The following TMEM245 variants were observed in gnomAD, a reference collection of about 807,000 sequenced individuals.
The protein encoded by TMEM245 is transmembrane protein 245, also known as protein CG-2.
TMEM245 carries 69 observed loss-of-function variants against 101.2 expected under a neutral mutation model. That is an observed-to-expected ratio of 0.68 (90% confidence interval 0.56 to 0.83). The LOEUF (loss-of-function observed/expected upper bound fraction) is 0.83, where lower values mean the gene tolerates loss of function less well. Among genes scored for constraint, TMEM245 ranks in the 40% least tolerant of loss-of-function variants. The pLI is 0.00. For missense variants in TMEM245, 1,075 were observed against 1,092.8 expected, an observed-to-expected ratio of 0.98 and a Z score of 0.23; for synonymous variants, 537 against 449.8, an observed-to-expected ratio of 1.19 and a Z score of -2.45.
chr9:109,085,640 T>C (rs1383031336), intron 7 of TMEM245, among the ~76,000 whole-genome samples: 1 of 152,256 alleles, frequency 6.6e-6, no homozygotes, highest in Non-Finnish European at 1.5e-5. Context: ...GAGAGTTCTC[T>C]CTTGCCCTTA....
chr9:109,039,828 A>G (rs1419267012), intron 14 of TMEM245, among the ~76,000 whole-genome samples: 1 of 152,104 alleles, frequency 6.6e-6, no homozygotes, highest in African/African-American at 2.4e-5. Flanking sequence ...GGGAATAATG[A>G]CATAATCGAC....
intron 2 of TMEM245, 91 bp from the exon 3 acceptor site, chr9:109,106,700 C>A (rs1031813062): frequency 2.3e-6 from 2 of 854,508 alleles, no homozygotes; most frequent in Non-Finnish European, 3.6e-6. Context: ...ACAGAACAAT[C>A]TGGTATATAT....
At chr9:109,025,629 A>G (rs1180390029) in intron 17 of TMEM245, among the ~76,000 whole-genome samples, 1 of 152,182 alleles carries the variant, frequency 6.6e-6, no homozygotes, top group African/African-American at 2.4e-5. Flanking sequence ...CTGGGCTTTA[A>G]TATTCAGAGA....
At position 109,063,401 on chromosome 9, in the gene TMEM245, G is replaced by A. The variant is rs532901791; in HGVS notation, c.1623+1076C>T. 1.1e-4 allele frequency among the ~76,000 whole-genome samples: 17 copies of A among 152,306 alleles called. 1 individual carries two copies. The highest frequency in any genetic ancestry group is 3.9e-4 in the East Asian group (2 of 5,182). Reference sequence around the variant, plus strand: ...CTCCCAAAGTGCTTGGATTATAGGCGTGAGCCACCACGGCCAGCCTGATTC... The same window carrying A: ...CTCCCAAAGTGCTTGGATTATAGGCATGAGCCACCACGGCCAGCCTGATTC... On this transcript the variant is annotated intron_variant, in intron 10 of 17. Coordinates refer to ENST00000374586, the MANE Select transcript of TMEM245 (RefSeq NM_032012.4).
intron 2 of TMEM245, among the ~76,000 whole-genome samples, chr9:109,107,465 G>C (rs1342188636): frequency 6.7e-6 from 1 of 149,342 alleles, no homozygotes; most frequent in Non-Finnish European, 1.5e-5. Context: ...CCATTTCCCT[G>C]AGTCCACCTA....
intron 5 of TMEM245, among the ~76,000 whole-genome samples, chr9:109,088,075 G>A (rs1402741375): frequency 6.6e-6 from 1 of 152,208 alleles, no homozygotes; most frequent in Non-Finnish European, 1.5e-5. Flanking sequence ...TAAGAAGGTG[G>A]TAGGGCCAGA....
chr9:109,077,669 T>A (rs643632), intron 8 of TMEM245, among the ~76,000 whole-genome samples: 15,136 of 152,276 alleles, frequency 0.099, 918 homozygotes, highest in South Asian at 0.24. Flanking sequence ...ATATGAAAAG[T>A]CCTTAATTTG....
At chr9:109,041,240 T>C (rs1828293400) in intron 14 of TMEM245, among the ~76,000 whole-genome samples, 1 of 152,110 alleles carries the variant, frequency 6.6e-6, no homozygotes, top group African/African-American at 2.4e-5. Context: ...AAGCAGTGGC[T>C]ATTAGTAGAA....
At chr9:109,111,359 G>A (rs1462464261) in intron 1 of TMEM245, among the ~76,000 whole-genome samples, 1 of 152,150 alleles carries the variant, frequency 6.6e-6, no homozygotes, top group Non-Finnish European at 1.5e-5. Flanking sequence ...AAGCTGAACT[G>A]GAGGTCACAA....
At chr9:109,034,725 C>T (rs1564171616) in intron 16 of TMEM245, among the ~76,000 whole-genome samples, 1 of 152,148 alleles carries the variant, frequency 6.6e-6, no homozygotes, top group African/African-American at 2.4e-5. Flanking sequence ...GGATTACAGG[C>T]TTGAGCCACT....
At chr9:109,093,760 G>A (rs922365434) in intron 3 of TMEM245, among the ~76,000 whole-genome samples, 169 bp from the exon 4 acceptor site, 1 of 152,188 alleles carries the variant, frequency 6.6e-6, no homozygotes, top group Non-Finnish European at 1.5e-5. Flanking sequence ...ACATGAAAGT[G>A]TGCTAAAAAA....
At chr9:109,115,224 G>A (rs1830684540) in intron 1 of TMEM245, among the ~76,000 whole-genome samples, 1 of 152,080 alleles carries the variant, frequency 6.6e-6, no homozygotes, top group Non-Finnish European at 1.5e-5. Context: ...GTGGGTGCCT[G>A]TAATCCCAGC....
intron 17 of TMEM245, among the ~76,000 whole-genome samples, chr9:109,028,848 G>A (rs1028856396): frequency 9.2e-5 from 14 of 152,040 alleles, no homozygotes; most frequent in African/African-American, 3.1e-4. Flanking sequence ...GCCAACAACA[G>A]GACTGCTTGA....
intron 10 of TMEM245, 147 bp from the exon 11 acceptor site, chr9:109,060,599 A>C: frequency 3.5e-6 from 2 of 573,208 alleles, no homozygotes; most frequent in Non-Finnish European, 3.0e-6. Flanking sequence ...TCTTTCCTTA[A>C]ATCTACTCCT....
At chr9:109,047,015 AC>A (rs1417325909) in intron 14 of TMEM245, among the ~76,000 whole-genome samples, 2 of 152,002 alleles carry the variant, frequency 1.3e-5, no homozygotes, top group African/African-American at 4.8e-5. Flanking sequence ...TGCAAAAAAA[AC>A]ACCTTGAATT....
intron 14 of TMEM245, among the ~76,000 whole-genome samples, chr9:109,049,795 C>G (rs896408699): frequency 1.3e-5 from 2 of 152,110 alleles, no homozygotes; most frequent in African/African-American, 4.8e-5. Context: ...CCACTGCAAT[C>G]CATCTCCAAA....
intron 15 of TMEM245, among the ~76,000 whole-genome samples, chr9:109,037,545 T>G (rs192116493): frequency 1.3e-5 from 2 of 152,150 alleles, no homozygotes; most frequent in Non-Finnish European, 2.9e-5. Context: ...GAATGAGTTA[T>G]CGTGAGATCT....
intron 10 of TMEM245, among the ~76,000 whole-genome samples, chr9:109,062,848 TA>T (rs911129072): frequency 1.3e-5 from 2 of 151,996 alleles, no homozygotes; most frequent in Non-Finnish European, 2.9e-5. Context: ...TGCATGCCTG[TA>T]GTTCCAGCTA....
At chr9:109,048,431 G>GAGA (rs935725474) in intron 14 of TMEM245, among the ~76,000 whole-genome samples, 8 of 146,024 alleles carry the variant, frequency 5.5e-5, no homozygotes, top group African/African-American at 2.0e-4. Context: ...GCAATTATCA[G>GAGA]AGAAAAAAAA....
Sources: gnomAD v4.1 joint callset for allele counts (sites outside exome capture counted in the v4.1 genomes callset) on GRCh38, gnomAD v4.1.1 for gene constraint, MANE v1.5 for transcripts, NCBI Gene and HGNC (gene_info 2026-07-23, HGNC 2026-07-21) for gene names.